Variants in BMP7 observed in about 807,000 individuals in gnomAD.
BMP7 encodes the protein osteogenic protein 1.
In BMP7, 12 loss-of-function variants were observed where a neutral mutation model predicts 41.2. That is an observed-to-expected ratio of 0.29 (90% CI 0.19 to 0.47). The LOEUF is 0.47. Ranked by LOEUF, BMP7 falls within the 20% of genes least tolerant of loss-of-function variation. The pLI, the probability that BMP7 is intolerant of heterozygous loss-of-function variation, is 0.99. For synonymous variants in BMP7, 248 were observed against 250.0 expected, an observed-to-expected ratio of 0.99 and a Z score of 0.07; for missense variants, 467 against 606.0, an observed-to-expected ratio of 0.77 and a Z score of 2.41.
intron 1 of BMP7, among the ~76,000 whole-genome samples, chr20:57,247,045 T>C (rs769681974): frequency 6.6e-6 from 1 of 151,848 alleles, no homozygotes; most frequent in Non-Finnish European, 1.5e-5. Flanking sequence ...CTTTGACAAA[T>C]GTTCACTACT....
intron 2 of BMP7, among the ~76,000 whole-genome samples, chr20:57,221,870 G>T (rs1217921259): frequency 6.6e-6 from 1 of 151,828 alleles, no homozygotes; most frequent in Admixed American, 6.6e-5. Context: ...CTCCATGGGG[G>T]GTTGTTGTGG....
intron 1 of BMP7, among the ~76,000 whole-genome samples, chr20:57,252,839 T>C (rs7360573): frequency 2.0e-5 from 3 of 152,206 alleles, no homozygotes; most frequent in African/African-American, 7.2e-5. Context: ...TCTAAACCAG[T>C]GGTTCTCAAC....
At chr20:57,252,907 G>T (rs1245609853) in intron 1 of BMP7, among the ~76,000 whole-genome samples, 1 of 152,180 alleles carries the variant, frequency 6.6e-6, no homozygotes, top group African/African-American at 2.4e-5. Context: ...ACACTTGGTT[G>T]TCAGATCCTG....
chr20:57,191,906 C>T (rs1720332778), intron 3 of BMP7, among the ~76,000 whole-genome samples: 1 of 126,786 alleles, frequency 7.9e-6, no homozygotes, highest in Non-Finnish European at 1.6e-5. Context: ...AGATAGTATA[C>T]ATACTATATA....
chr20:57,196,513 T>A (rs2123082638), intron 3 of BMP7, among the ~76,000 whole-genome samples: 1 of 152,336 alleles, frequency 6.6e-6, no homozygotes, highest in East Asian at 1.9e-4. Context: ...TCATTGTTTG[T>A]TGAGTGAATA....
At chr20:57,210,421 G>A (rs1480998125) in intron 2 of BMP7, among the ~76,000 whole-genome samples, 3 of 152,180 alleles carry the variant, frequency 2.0e-5, no homozygotes, top group African/African-American at 7.2e-5. Context: ...AATCTCAAAC[G>A]TGGGAAGGCA....
chr20:57,198,245 T>G (rs1984549201), intron 3 of BMP7, among the ~76,000 whole-genome samples: 1 of 149,836 alleles, frequency 6.7e-6, no homozygotes, highest in Non-Finnish European at 1.5e-5. Flanking sequence ...CTCGCTCTCC[T>G]CTCTATCCTC....
chr20:57,192,259 G>GTA (rs200915015), intron 3 of BMP7, among the ~76,000 whole-genome samples: 3,818 of 126,720 alleles, frequency 0.03, 232 homozygotes, highest in African/African-American at 0.11. Context: ...ATATACTATA[G>GTA]TATATATAGT....
At chr20:57,239,259 G>A (rs2066060046) in intron 1 of BMP7, among the ~76,000 whole-genome samples, 1 of 152,108 alleles carries the variant, frequency 6.6e-6, no homozygotes, top group South Asian at 2.1e-4. Flanking sequence ...CAAAATAAAG[G>A]GGTTACAGGG....
intron 2 of BMP7, among the ~76,000 whole-genome samples, chr20:57,207,987 G>A (rs945404087): frequency 2.6e-5 from 4 of 151,272 alleles, no homozygotes; most frequent in Non-Finnish European, 2.9e-5. Context: ...CCGCCACCGC[G>A]CCCGGCTAAT....
At chr20:57,196,747 C>T (rs1307027203) in intron 3 of BMP7, among the ~76,000 whole-genome samples, 1 of 152,136 alleles carries the variant, frequency 6.6e-6, no homozygotes, top group East Asian at 1.9e-4. Context: ...ACCTGCAATT[C>T]CAGCTACTCA....
rs561061314 is a variant in BMP7 at position 57,240,367 on chromosome 20, T to C, written c.419-11946A>G. ...GTTCCTTATCTCTATCTGAGACCAC[T>C]TCAGCCTGGATTTTATTGTCCATAT... On this transcript the variant is annotated intron_variant, in intron 1 of 6. Coordinates refer to ENST00000395863, the MANE Select transcript of BMP7 (RefSeq NM_001719.3). Among the ~76,000 whole-genome samples the C allele has an allele frequency of 3.3e-5, 5 of 152,352 alleles. No individual in the cohort carries two copies. In the South Asian group the frequency reaches 1.0e-3, roughly 32 times the overall value.
intron 2 of BMP7, among the ~76,000 whole-genome samples, chr20:57,211,099 C>T (rs1049583632): frequency 2.6e-5 from 4 of 152,202 alleles, no homozygotes; most frequent in Admixed American, 6.5e-5. Context: ...GGCTGGTGGC[C>T]GGGGGCCCTC....
chr20:57,198,528 T>C (rs1984553977), intron 3 of BMP7, among the ~76,000 whole-genome samples: 1 of 152,136 alleles, frequency 6.6e-6, no homozygotes, highest in Non-Finnish European at 1.5e-5. Flanking sequence ...CCTGGGAGTT[T>C]ATAGGCTTCT....
intron 1 of BMP7, among the ~76,000 whole-genome samples, chr20:57,258,115 C>T (rs543464965): frequency 3.9e-5 from 6 of 152,202 alleles, no homozygotes; most frequent in African/African-American, 1.4e-4. Context: ...TTGAAAGCTA[C>T]TCCAGGGAGA....
intron 1 of BMP7, among the ~76,000 whole-genome samples, chr20:57,250,260 A>G (rs972088520): frequency 6.9e-6 from 1 of 145,490 alleles, no homozygotes; most frequent in Non-Finnish European, 1.5e-5. Context: ...GTGAAACCCA[A>G]TTTCTACAAA....
intron 1 of BMP7, among the ~76,000 whole-genome samples, chr20:57,233,804 AACCT>A (rs1229992150): frequency 6.6e-6 from 1 of 152,238 alleles, no homozygotes; most frequent in African/African-American, 2.4e-5. Context: ...GCTTAAACAG[AACCT>A]GCAGTATTCA....
Position 57,238,566 on chromosome 20 carries a change from G to A in BMP7, c.419-10145C>T, listed in dbSNP as rs6099509. 3.9e-3 allele frequency among the ~76,000 whole-genome samples: 600 copies of A among 152,194 alleles called. 6 individuals are homozygous for A. The highest frequency in any genetic ancestry group is 0.014 in the African/African-American group (574 of 41,524). On this transcript the variant is annotated intron_variant, in intron 1 of 6. Coordinates refer to ENST00000395863, the MANE Select transcript of BMP7 (RefSeq NM_001719.3). ...AGTGGCTACAGCATTTTACCTTCCC[G>A]CCGGCAGTCGGGAAGGGTTCCAATT...
chr20:57,255,945 C>T (rs2146030161), intron 1 of BMP7, among the ~76,000 whole-genome samples: 1 of 152,198 alleles, frequency 6.6e-6, no homozygotes, highest in Non-Finnish European at 1.5e-5. Context: ...CCAGCAGTCA[C>T]CTCATTAGCC....
Sources: allele counts gnomAD v4.1 joint callset (sites outside exome capture counted in the v4.1 genomes callset), GRCh38; gene constraint gnomAD v4.1.1; transcripts MANE v1.5; gene names NCBI Gene and HGNC (gene_info 2026-07-23, HGNC 2026-07-21).